The following COPG2 variants were observed in gnomAD, a reference collection of about 807,000 sequenced individuals.
The protein encoded by COPG2 is coatomer subunit gamma-2.
In COPG2, 37 loss-of-function variants were observed where a neutral mutation model predicts 46.3. The observed-to-expected ratio is 0.80, with a 90% CI of 0.61 to 1.05. The LOEUF is 1.05. Ranked by LOEUF, COPG2 falls within the 50% of genes least tolerant of loss-of-function variation. The pLI, the probability that COPG2 is intolerant of heterozygous loss-of-function variation, is 0.00. For missense variants in COPG2, 427 were observed against 387.8 expected (o/e 1.10, Z -0.85); for synonymous variants, 159 against 129.7 (o/e 1.23, Z -1.53).
At chr7:130,513,565 G>T (rs1278988571) in intron 20 of COPG2, among the ~76,000 whole-genome samples, 2 of 151,496 alleles carry the variant, frequency 1.3e-5, no homozygotes, top group South Asian at 2.1e-4. Context: ...AGATAAATAA[G>T]AACTGGTGTC....
At chr7:130,569,746 CA>C (rs1471347966) in intron 9 of COPG2, among the ~76,000 whole-genome samples, 6 of 151,908 alleles carry the variant, frequency 3.9e-5, no homozygotes, top group Admixed American at 2.0e-4. Context: ...CAGGAAACGA[CA>C]TAACAAAAAA....
chr7:130,613,493 A>G, intron 7 of COPG2, 51 bp downstream of exon 7: 1 of 1,117,304 alleles, frequency 9.0e-7, no homozygotes, highest in African/African-American at 1.6e-5. Flanking sequence ...TTGTTTTCGC[A>G]ACTCAAAACT....
intron 9 of COPG2, among the ~76,000 whole-genome samples, chr7:130,591,516 G>A (rs1333986883): frequency 9.3e-6 from 1 of 107,552 alleles, no homozygotes; most frequent in African/African-American, 3.6e-5. Context: ...CCATCCGGGA[G>A]GTGAGGGGTG....
intron 5 of COPG2, among the ~76,000 whole-genome samples, chr7:130,641,216 T>C (rs1584601911): frequency 7.0e-6 from 1 of 143,034 alleles, no homozygotes; most frequent in Non-Finnish European, 1.5e-5. Flanking sequence ...GAGAAGACAA[T>C]GACTAATCTG....
intron 9 of COPG2, among the ~76,000 whole-genome samples, chr7:130,577,440 C>T (rs1276201860): frequency 2.0e-5 from 3 of 152,142 alleles, no homozygotes; most frequent in Non-Finnish European, 4.4e-5. Context: ...CACTCCCACC[C>T]GAATATTGAG....
At chr7:130,532,492 T>A (rs926236805) in intron 20 of COPG2, among the ~76,000 whole-genome samples, 19 of 151,368 alleles carry the variant, frequency 1.3e-4, no homozygotes, top group African/African-American at 3.9e-4. Context: ...AGCACCCAGG[T>A]GGAGCGGAGG....
At chr7:130,523,233 TG>T (rs1318806158) in intron 20 of COPG2, among the ~76,000 whole-genome samples, 2 of 133,796 alleles carry the variant, frequency 1.5e-5, no homozygotes, top group East Asian at 4.5e-4. Flanking sequence ...TTATCTGAGG[TG>T]GGGGGTGGGT....
intron 3 of COPG2, among the ~76,000 whole-genome samples, chr7:130,664,191 A>G (rs1249678925): frequency 6.6e-6 from 1 of 152,204 alleles, no homozygotes; most frequent in Non-Finnish European, 1.5e-5. Context: ...TCTTCACTAA[A>G]AGCAATCTTA....
chr7:130,651,706 C>T (rs377321813), intron 5 of COPG2, among the ~76,000 whole-genome samples: 1,729 of 150,750 alleles, frequency 0.011, 21 homozygotes, highest in South Asian at 0.019. Context: ...TTAGTAGAGA[C>T]GGGGTTTCAC....
At chr7:130,548,226 T>A (rs1793476618) in intron 19 of COPG2, among the ~76,000 whole-genome samples, 177 bp downstream of exon 19, 2 of 152,172 alleles carry the variant, frequency 1.3e-5, no homozygotes, top group South Asian at 4.1e-4. Context: ...ATTTTAACCA[T>A]CAAAAGTTAC....
At chr7:130,603,150 G>A (rs959976074) in intron 9 of COPG2, among the ~76,000 whole-genome samples, 2 of 152,034 alleles carry the variant, frequency 1.3e-5, no homozygotes, top group Non-Finnish European at 2.9e-5. Flanking sequence ...AAAATCATAC[G>A]TGAATTACTA....
In COPG2 at chr7:130,616,805, A is replaced by T. The variant is rs533383809; in HGVS notation, c.399+185T>A. ...AAATAAAGAGAGAAAATGGACTAAC[A>T]TAAATAAAGGAAAAAAATCTGAAGA... On this transcript the variant is annotated intron_variant, in intron 6 of 23. Transcript: ENST00000425248. Among the ~76,000 whole-genome samples, 9 of 152,316 alleles carry T rather than the reference A, an allele frequency of 5.9e-5. No homozygotes were observed. The East Asian group carries it at 1.7e-3, about 29-fold the overall frequency.
rs74964419 is a variant in COPG2, at chr7:130,653,609, G to A, written c.244-661C>T. Among the ~76,000 whole-genome samples the A allele has an allele frequency of 7.0e-3, 1,065 of 152,186 alleles. 12 individuals are homozygous for A. The highest frequency in any genetic ancestry group is 0.024 in the African/African-American group (998 of 41,510). Reference sequence around the variant, plus strand: ...TAACAATGCTCCACCTACTCTCCCCGACTCAACTGGATCTCTGATTTATTC... The same window carrying A: ...TAACAATGCTCCACCTACTCTCCCCAACTCAACTGGATCTCTGATTTATTC... On this transcript the variant is annotated intron_variant, in intron 4 of 23. Coordinates refer to ENST00000425248, the MANE Select transcript of COPG2 (RefSeq NM_012133.6).
intron 20 of COPG2, among the ~76,000 whole-genome samples, chr7:130,513,389 G>GTATA (rs1229878158): frequency 1.7e-3 from 179 of 105,694 alleles, no homozygotes; most frequent in African/African-American, 6.1e-3. Context: ...GTGTGTGTGT[G>GTATA]TATATATATA....
At chr7:130,577,549 C>G (rs1217505288) in intron 9 of COPG2, among the ~76,000 whole-genome samples, 2 of 151,890 alleles carry the variant, frequency 1.3e-5, no homozygotes, top group African/African-American at 4.8e-5. Flanking sequence ...ATCATGAGGT[C>G]AGGAGATCGA....
intron 20 of COPG2, among the ~76,000 whole-genome samples, chr7:130,522,496 G>C (rs1473522407): frequency 1.3e-5 from 2 of 152,038 alleles, no homozygotes; most frequent in Non-Finnish European, 2.9e-5. Flanking sequence ...TACGAAGGGG[G>C]TTTAGAGTAT....
chr7:130,635,123 T>G (rs1438563296), intron 5 of COPG2, among the ~76,000 whole-genome samples: 2 of 151,050 alleles, frequency 1.3e-5, no homozygotes, highest in African/African-American at 4.9e-5. Flanking sequence ...CGTATTTTAT[T>G]GAGGATTTTC....
At chr7:130,645,384 G>T in intron 5 of COPG2, 1 of 540,914 alleles carries the variant, frequency 1.8e-6, no homozygotes, top group South Asian at 1.4e-5. Context: ...TGCCCTCCAG[G>T]ACCGACTCCA....
intron 20 of COPG2, among the ~76,000 whole-genome samples, chr7:130,529,843 A>G (rs1392439139): frequency 6.6e-6 from 1 of 152,232 alleles, no homozygotes; most frequent in Non-Finnish European, 1.5e-5. Flanking sequence ...CGATGGAGAC[A>G]ATTTGCAACA....
Sources: gnomAD v4.1 joint callset for allele counts (sites outside exome capture counted in the v4.1 genomes callset) on GRCh38, gnomAD v4.1.1 for gene constraint, MANE v1.5 for transcripts, NCBI Gene and HGNC (gene_info 2026-07-23, HGNC 2026-07-21) for gene names.